STK39: variants seen among roughly 807,000 people sequenced by gnomAD.
STK39 encodes serine/threonine kinase 39, also known as STE20/SPS1-related proline-alanine-rich protein kinase.
In STK39, 20 loss-of-function variants were observed where a neutral mutation model predicts 77.8. The observed-to-expected ratio is 0.26, with a 90% CI of 0.18 to 0.37. The LOEUF (loss-of-function observed/expected upper bound fraction) is 0.37. Among genes scored for constraint, STK39 ranks in the 10% least tolerant of loss-of-function variants. The pLI is 1.00. For missense variants in STK39, 479 were observed against 656.5 expected (o/e 0.73, Z 2.95); for synonymous variants, 246 against 234.1 (o/e 1.05, Z -0.47).
rs181018376 is a variant in STK39 at position 168,052,033 on chromosome 2, G to C, written c.1376+11467C>G. ...AACTAGGAAACCTCTTACCAAAGAAGGCTCTGTGGATAGAAACATAGCACA... is the reference window on the plus strand; with the variant it reads ...AACTAGGAAACCTCTTACCAAAGAACGCTCTGTGGATAGAAACATAGCACA... On this transcript the variant is annotated intron_variant, in intron 14 of 17. Transcript: ENST00000355999. 8.4e-4 allele frequency among the ~76,000 whole-genome samples: 127 copies of C among 151,472 alleles called. 1 individual carries two copies. Among genetic ancestry groups the C allele is most frequent in the African/African-American group, 2.9e-3 (118 of 41,142 alleles).
chr2:168,155,148 C>G (rs1175039731), intron 5 of STK39, among the ~76,000 whole-genome samples: 1 of 152,172 alleles, frequency 6.6e-6, no homozygotes, highest in African/African-American at 2.4e-5. Context: ...ACGTGCAGAG[C>G]TGAGCAAAAA....
intron 2 of STK39, among the ~76,000 whole-genome samples, chr2:168,174,814 T>C (rs918636617): frequency 7.7e-6 from 1 of 129,248 alleles, no homozygotes; most frequent in Non-Finnish European, 1.6e-5. Flanking sequence ...CTGGGCAACA[T>C]AGCAAGACTT....
chr2:168,185,262 T>G lies in STK39; in HGVS notation c.209-3172A>C, dbSNP rs114337823. Among the ~76,000 whole-genome samples the G allele has an allele frequency of 7.7e-3, 1,169 of 152,336 alleles. 11 individuals are homozygous for G. The highest frequency in any genetic ancestry group is 0.027 in the African/African-American group (1,115 of 41,578). On this transcript the variant is annotated intron_variant, in intron 1 of 17. Transcript: ENST00000355999. The stretch of plus-strand genomic sequence containing the variant: ...TTCCTGACTCCTATTTCAAGTGCAA[T>G]AAATCATTCAATAGGATTATGGCCT...
At chr2:168,035,099 C>A (rs939980398) in intron 14 of STK39, among the ~76,000 whole-genome samples, 1 of 152,124 alleles carries the variant, frequency 6.6e-6, no homozygotes, top group East Asian at 1.9e-4. Context: ...TTGAGGTTGG[C>A]CTGGGAACCT....
At chr2:168,117,655 AGG>A (rs1027240269) in intron 10 of STK39, among the ~76,000 whole-genome samples, 6 of 152,204 alleles carry the variant, frequency 3.9e-5, no homozygotes, top group African/African-American at 1.4e-4. Context: ...ATACAAGTGT[AGG>A]GAGAGGCCTT....
At chr2:167,997,590 T>G (rs1188809961) in intron 16 of STK39, among the ~76,000 whole-genome samples, 1 of 152,200 alleles carries the variant, frequency 6.6e-6, no homozygotes, top group Non-Finnish European at 1.5e-5. Context: ...GAGCTGGGAT[T>G]TGAACCTGCA....
chr2:168,178,882 T>C lies in STK39; in HGVS notation c.321+3096A>G, dbSNP rs115431955. 5.7e-3 allele frequency among the ~76,000 whole-genome samples: 867 copies of C among 152,234 alleles called. 6 individuals are homozygous for C. Among genetic ancestry groups the C allele is most frequent in the African/African-American group, 0.019 (796 of 41,552 alleles). On this transcript the variant is annotated intron_variant, in intron 2 of 17. Transcript: ENST00000355999. ...GTTCTGGACCAGTTGCCTAAAACTG[T>C]TGTGTGCCATCAATTCTGACCTGTG...
At chr2:168,044,202 T>A (rs1256071088) in intron 14 of STK39, among the ~76,000 whole-genome samples, 1 of 152,208 alleles carries the variant, frequency 6.6e-6, no homozygotes, top group East Asian at 1.9e-4. Flanking sequence ...CTGTTGAGTA[T>A]ATCACGGGTA....
chr2:168,071,066 C>T (rs1198858160), intron 12 of STK39, among the ~76,000 whole-genome samples: 1 of 151,998 alleles, frequency 6.6e-6, no homozygotes, highest in Non-Finnish European at 1.5e-5. Flanking sequence ...CCTCATACTT[C>T]CTAGGAGGTC....
chr2:167,960,875 T>G (rs955599999), intron 17 of STK39, among the ~76,000 whole-genome samples: 2 of 152,184 alleles, frequency 1.3e-5, no homozygotes, highest in African/African-American at 4.8e-5. Flanking sequence ...AACTTCAGCC[T>G]GCATCAGAAT....
At chr2:167,963,538 C>T (rs545785008) in intron 17 of STK39, among the ~76,000 whole-genome samples, 9 of 145,946 alleles carry the variant, frequency 6.2e-5, no homozygotes, top group Non-Finnish European at 1.2e-4. Context: ...AAAAAAAAAA[C>T]ACACACATTA....
intron 8 of STK39, among the ~76,000 whole-genome samples, chr2:168,134,512 C>CAAA (rs34222654): frequency 3.1e-5 from 4 of 128,452 alleles, no homozygotes; most frequent in African/African-American, 2.7e-5. Context: ...CCCCTTGTTG[C>CAAA]AAAAAAAAAA....
intron 5 of STK39, among the ~76,000 whole-genome samples, chr2:168,155,241 T>A (rs1343732527): frequency 6.6e-6 from 1 of 152,236 alleles, no homozygotes; most frequent in Non-Finnish European, 1.5e-5. Context: ...CTCAAACAAC[T>A]GCTAGCAGCT....
At chr2:168,072,752 G>A (rs1451057562) in intron 12 of STK39, among the ~76,000 whole-genome samples, 1 of 152,166 alleles carries the variant, frequency 6.6e-6, no homozygotes, top group Non-Finnish European at 1.5e-5. Flanking sequence ...AAAGCAGTTT[G>A]GGGTAGTTGG....
chr2:168,197,639 C>A (rs1267642216), intron 1 of STK39, among the ~76,000 whole-genome samples: 1 of 152,156 alleles, frequency 6.6e-6, no homozygotes, highest in Non-Finnish European at 1.5e-5. Flanking sequence ...TTACGTATAA[C>A]TAAAAAATAT....
intron 2 of STK39, among the ~76,000 whole-genome samples, chr2:168,168,683 C>T (rs1431464641): frequency 3.3e-5 from 5 of 152,266 alleles, no homozygotes; most frequent in African/African-American, 1.2e-4. Context: ...CGTTCCTTAA[C>T]ATATATGTTT....
intron 1 of STK39, among the ~76,000 whole-genome samples, chr2:168,194,931 T>C (rs1278022063): frequency 6.6e-6 from 1 of 152,214 alleles, no homozygotes; most frequent in Non-Finnish European, 1.5e-5. Context: ...GGTCCCCAGA[T>C]GTATGACACA....
intron 1 of STK39, among the ~76,000 whole-genome samples, chr2:168,182,547 G>T (rs1574534610): frequency 6.6e-6 from 1 of 152,186 alleles, no homozygotes; most frequent in East Asian, 1.9e-4. Flanking sequence ...TCCACAATGA[G>T]AAAAACAAGA....
chr2:168,005,792 A>G (rs980756868), intron 16 of STK39, among the ~76,000 whole-genome samples: 1 of 152,174 alleles, frequency 6.6e-6, no homozygotes, highest in Non-Finnish European at 1.5e-5. Flanking sequence ...CAGGCAGCAG[A>G]GGAGGCTTCA....
Sources: gnomAD v4.1 joint callset for allele counts (sites outside exome capture counted in the v4.1 genomes callset) on GRCh38, gnomAD v4.1.1 for gene constraint, MANE v1.5 for transcripts, NCBI Gene and HGNC (gene_info 2026-07-23, HGNC 2026-07-21) for gene names.